The following CSMD1 variants were observed in gnomAD, a reference collection of about 807,000 sequenced individuals.
CSMD1 encodes CUB and sushi domain-containing protein 1.
CSMD1 carries 213 observed loss-of-function variants against 417.5 expected under a neutral mutation model. The observed-to-expected ratio is 0.51, with a 90% CI of 0.46 to 0.57. CSMD1 has a LOEUF of 0.57. Among genes scored for constraint, CSMD1 ranks in the 20% least tolerant of loss-of-function variants. CSMD1 has a pLI of 0.00. For synonymous variants in CSMD1, 2,862 were observed against 1,736.8 expected, an observed-to-expected ratio of 1.65 and a Z score of -16.11; for missense variants, 6,923 against 4,529.7, an observed-to-expected ratio of 1.53 and a Z score of -15.17.
At chr8:4,323,666 A>G (rs1585232251) in intron 3 of CSMD1, among the ~76,000 whole-genome samples, 1 of 152,312 alleles carries the variant, frequency 6.6e-6, no homozygotes, top group Non-Finnish European at 1.5e-5. Flanking sequence ...AGTGGACTCT[A>G]CAAACAAGAA....
intron 7 of CSMD1, among the ~76,000 whole-genome samples, chr8:3,622,120 G>T (rs2449229): frequency 6.6e-6 from 1 of 151,900 alleles, no homozygotes; most frequent in African/African-American, 2.4e-5. Flanking sequence ...AGTTCTCAAT[G>T]AGTAAGCAGT....
chr8:4,838,046 T>G (rs1233721954), intron 1 of CSMD1, among the ~76,000 whole-genome samples: 1 of 152,152 alleles, frequency 6.6e-6, no homozygotes, highest in Non-Finnish European at 1.5e-5. Context: ...CAAGGCAGTG[T>G]GAATGGGTGA....
At chr8:4,710,531 T>C (rs939104592) in intron 1 of CSMD1, among the ~76,000 whole-genome samples, 8 of 149,542 alleles carry the variant, frequency 5.3e-5, no homozygotes, top group Non-Finnish European at 8.9e-5. Context: ...CAGGAGAAGA[T>C]GGTGGGGGTG....
At chr8:3,030,604 G>A (rs1034538185) in intron 50 of CSMD1, among the ~76,000 whole-genome samples, 5 of 151,914 alleles carry the variant, frequency 3.3e-5, no homozygotes, top group Non-Finnish European at 7.4e-5. Context: ...AGCCTCCCAA[G>A]TTGCTGGGAC....
intron 12 of CSMD1, among the ~76,000 whole-genome samples, chr8:3,430,134 C>T (rs530041446): frequency 9.2e-5 from 14 of 152,182 alleles, no homozygotes; most frequent in African/African-American, 3.4e-4. Context: ...CATACATATA[C>T]ATACAAACAT....
chr8:4,550,713 C>T (rs1797834922), intron 2 of CSMD1, among the ~76,000 whole-genome samples: 1 of 152,130 alleles, frequency 6.6e-6, no homozygotes, highest in Non-Finnish European at 1.5e-5. Flanking sequence ...ATTATCCAGT[C>T]CACAGTGTCA....
chr8:3,981,234 A>C (rs2740809), intron 5 of CSMD1, among the ~76,000 whole-genome samples: 40,819 of 152,038 alleles, frequency 0.27, 5,588 homozygotes, highest in Non-Finnish European at 0.29. Flanking sequence ...TAAGTGAAGT[A>C]ACTCAGGCGT....
chr8:4,548,832 T>C (rs1797743647), intron 2 of CSMD1, among the ~76,000 whole-genome samples: 2 of 152,118 alleles, frequency 1.3e-5, no homozygotes, highest in Non-Finnish European at 2.9e-5. Context: ...CATACTGCCT[T>C]GGTCTTGGGG....
At chr8:4,145,165 C>T (rs1453044944) in intron 3 of CSMD1, among the ~76,000 whole-genome samples, 1 of 151,032 alleles carries the variant, frequency 6.6e-6, no homozygotes, top group Non-Finnish European at 1.5e-5. Flanking sequence ...GGCACGAACC[C>T]ATTCATTCAA....
At chr8:3,931,477 G>C (rs574328427) in intron 5 of CSMD1, among the ~76,000 whole-genome samples, 4 of 150,050 alleles carry the variant, frequency 2.7e-5, no homozygotes, top group Admixed American at 1.3e-4. Context: ...TCAGATTGGA[G>C]CATTTTTAAA....
At chr8:4,528,965 A>C (rs1216061261) in intron 2 of CSMD1, among the ~76,000 whole-genome samples, 1 of 152,192 alleles carries the variant, frequency 6.6e-6, no homozygotes, top group African/African-American at 2.4e-5. Flanking sequence ...TATTTTTGTT[A>C]GGTCTTTGTG....
chr8:4,981,967 C>A (rs1000755242), intron 1 of CSMD1, among the ~76,000 whole-genome samples: 2 of 152,270 alleles, frequency 1.3e-5, no homozygotes, highest in African/African-American at 4.8e-5. Flanking sequence ...TGTGTGGCCC[C>A]CAGGAACTGA....
chr8:3,764,220 C>G (rs937977354), intron 5 of CSMD1, among the ~76,000 whole-genome samples: 5 of 152,152 alleles, frequency 3.3e-5, no homozygotes, highest in African/African-American at 1.2e-4. Context: ...CACATGTGTT[C>G]CACCTGCAAA....
At chr8:4,649,099 T>C (rs972153477) in intron 1 of CSMD1, among the ~76,000 whole-genome samples, 1 of 152,194 alleles carries the variant, frequency 6.6e-6, no homozygotes, top group Non-Finnish European at 1.5e-5. Context: ...TGAGTCATCA[T>C]TGATACACCT....
At chr8:3,848,400 G>C (rs1023558075) in intron 5 of CSMD1, among the ~76,000 whole-genome samples, 2 of 152,162 alleles carry the variant, frequency 1.3e-5, no homozygotes, top group African/African-American at 2.4e-5. Context: ...TCTAGGCATA[G>C]TTGGTGTTTT....
intron 59 of CSMD1, among the ~76,000 whole-genome samples, chr8:2,964,851 C>T (rs1330391313): frequency 6.6e-6 from 1 of 152,160 alleles, no homozygotes; most frequent in Admixed American, 6.5e-5. Context: ...ATTCAGGTCA[C>T]ATTTAAGCCT....
intron 3 of CSMD1, among the ~76,000 whole-genome samples, chr8:4,042,729 C>T (rs1031534692): frequency 6.8e-6 from 1 of 146,602 alleles, no homozygotes; most frequent in Non-Finnish European, 1.5e-5. Context: ...ACAGAAATGA[C>T]AGCAATACCA....
intron 3 of CSMD1, among the ~76,000 whole-genome samples, chr8:4,196,737 C>G (rs1799361632): frequency 1.3e-5 from 2 of 152,098 alleles, no homozygotes; most frequent in Admixed American, 6.5e-5. Context: ...AGGATGGTCT[C>G]TATCTCAAGA....
intron 12 of CSMD1, among the ~76,000 whole-genome samples, chr8:3,461,234 T>A (rs1256106847): frequency 1.3e-5 from 2 of 152,188 alleles, no homozygotes; most frequent in African/African-American, 4.8e-5. Context: ...ATGCAAGGGC[T>A]ACTGACCCCG....
Sources: allele counts gnomAD v4.1 joint callset (sites outside exome capture counted in the v4.1 genomes callset), GRCh38; gene constraint gnomAD v4.1.1; transcripts MANE v1.5; gene names NCBI Gene and HGNC (gene_info 2026-07-23, HGNC 2026-07-21).